Variants in FREM2 observed in about 807,000 individuals in gnomAD.
FREM2 encodes the protein FRAS1 related extracellular matrix 2.
In FREM2, 119 loss-of-function variants were observed where a neutral mutation model predicts 219.9. The ratio of observed to expected loss-of-function variants is 0.54; its 90% CI spans 0.47 to 0.63. The LOEUF (loss-of-function observed/expected upper bound fraction) is 0.63, where lower values mean the gene tolerates loss of function less well. Ranked by LOEUF, FREM2 falls within the 30% of genes least tolerant of loss-of-function variation. The pLI, the probability that FREM2 is intolerant of heterozygous loss-of-function variation, is 0.00. For missense variants in FREM2, 4,030 were observed against 3,993.6 expected (o/e 1.01, Z -0.25); for synonymous variants, 1,562 against 1,522.8 (o/e 1.03, Z -0.60).
chr13:38,694,581 A>T (rs986038233), intron 1 of FREM2, among the ~76,000 whole-genome samples: 1 of 152,210 alleles, frequency 6.6e-6, no homozygotes, highest in African/African-American at 2.4e-5. Context: ...TCATGAAGGG[A>T]TAAGGTAAAC....
At chr13:38,730,048 G>A (rs1391313791) in intron 2 of FREM2, among the ~76,000 whole-genome samples, 1 of 152,118 alleles carries the variant, frequency 6.6e-6, no homozygotes, top group Non-Finnish European at 1.5e-5. Context: ...AGTGCCTAAC[G>A]GGAGTGAACC....
chr13:38,691,867 A>T lies in FREM2; in HGVS notation c.4523A>T (p.Glu1508Val), dbSNP rs1869885406. 1 of 1,614,016 alleles carries T rather than the reference A, an allele frequency of 6.2e-7. No individual in the cohort carries two copies. Among genetic ancestry groups the T allele is most frequent in the Admixed American group, 1.7e-5 (1 of 60,012 alleles). The part of the protein sequence containing the change: ...ADDEVKMDSF[E>V]FQVTDGRNPV... ...GATGAAGTGAAAATGGACAGTTTTG[A>T]GTTTCAAGTCACCGATGGACGTAAC... is the stretch of plus-strand genomic sequence containing the variant. The change falls in exon 1 of 24, where the codon GAG becomes GTG. Residue 1508 changes from glutamate to valine, a missense_variant. Around this residue, in one of 2 missense-constraint regions of FREM2, gnomAD observed 3,102 missense variants for 2,950.7 expected, o/e 1.05. Coordinates refer to ENST00000280481, the MANE Select transcript of FREM2 (RefSeq NM_207361.6).
intron 2 of FREM2, among the ~76,000 whole-genome samples, chr13:38,702,028 G>T (rs1193626958): frequency 1.3e-5 from 2 of 152,046 alleles, no homozygotes; most frequent in African/African-American, 4.8e-5. Flanking sequence ...TTGACATAAA[G>T]ATCAATTAAA....
intron 2 of FREM2, among the ~76,000 whole-genome samples, chr13:38,722,613 C>G (rs1291603634): frequency 6.6e-6 from 1 of 151,964 alleles, no homozygotes; most frequent in Admixed American, 6.6e-5. Context: ...CCCAGAGTGT[C>G]TAATTCAGTA....
rs367748739 is a variant in FREM2, at chr13:38,858,986, GC to G, written c.7216-300del. ...AGGGGGGTAAGATGAGCGACAGGAA[GC>G]GGGGGAGGAAAAAAGAGAGAATAAG... On this transcript the variant is annotated intron_variant, in intron 13 of 23. Transcript: ENST00000280481. Among the ~76,000 whole-genome samples the G allele has an allele frequency of 1.6e-3, 200 of 125,860 alleles. 1 individual carries two copies. The highest frequency in any genetic ancestry group is 4.9e-3 in the African/African-American group (170 of 34,836). The allele number at this position is 125,860 out of a possible 152,430, so 82.6% of individuals were successfully genotyped here.
chr13:38,720,475 C>G (rs1240036039), intron 2 of FREM2, among the ~76,000 whole-genome samples: 1 of 152,170 alleles, frequency 6.6e-6, no homozygotes, highest in African/African-American at 2.4e-5. Flanking sequence ...TGGATACATT[C>G]TGACACACAA....
rs1355762843 is a variant in FREM2 at position 38,851,097 on chromosome 13, A to G, written c.6731A>G (p.Asp2244Gly). 1.2e-6 allele frequency: 2 copies of G among 1,613,702 alleles called. No homozygotes were observed. The highest frequency in any genetic ancestry group is 2.2e-5 in the East Asian group (1 of 44,872). The change falls in exon 10 of 24, where the codon GAT becomes GGT. Residue 2244 changes from aspartate to glycine, a missense_variant. By Grantham distance (94) the Asp-to-Gly change is moderately conservative. Around this residue, in one of 2 missense-constraint regions of FREM2, gnomAD observed 3,102 missense variants for 2,950.7 expected, o/e 1.05. Transcript: ENST00000280481. ...AATGAAACTCTCATAAGGATCCGAG[A>G]TGATGCTGATAGTAAGAAATCTTTT... ...EQNETLIRIR[D>G]DADKTVIKFG... is the part of the protein sequence containing the mutation.
At chr13:38,876,495 A>G (rs1423433749) in intron 20 of FREM2, 113 bp downstream of exon 20, 3 of 889,638 alleles carry the variant, frequency 3.4e-6, no homozygotes, top group East Asian at 2.6e-5. Flanking sequence ...TTGCATGCTG[A>G]AAAGAAAAGA....
Position 38,859,556 on chromosome 13 carries a change from C to A in FREM2, c.7485C>A (p.Leu2495=). The change falls in exon 14 of 24, where the codon CTC becomes CTA. Residue 2495 remains leucine, a synonymous_variant. Transcript: ENST00000280481. ...VNTNGDEGLE[L]MSPIVTISRE... ...CCAATGGGGATGAAGGCCTGGAGCT[C>A]ATGAGCCCTATTGTAACCATCAGCA... is the stretch of plus-strand genomic sequence containing the variant. 6.2e-7 allele frequency: 1 copy of A among 1,614,024 alleles called. No homozygotes were observed. Among genetic ancestry groups the A allele is most frequent in the South Asian group, 1.1e-5 (1 of 91,046 alleles).
At chr13:38,697,016 T>C (rs760583631) in intron 1 of FREM2, among the ~76,000 whole-genome samples, 21 of 151,952 alleles carry the variant, frequency 1.4e-4, no homozygotes, top group Non-Finnish European at 2.6e-4. Flanking sequence ...GCCAGGCTGG[T>C]CTTGAACTCC....
chr13:38,862,098 A>C (rs763697811), intron 15 of FREM2, among the ~76,000 whole-genome samples: 18 of 152,256 alleles, frequency 1.2e-4, no homozygotes, highest in Non-Finnish European at 2.6e-4. Flanking sequence ...TACTTTATGA[A>C]TATTTTACCA....
intron 1 of FREM2, among the ~76,000 whole-genome samples, chr13:38,693,537 G>A (rs1468300552): frequency 1.3e-5 from 2 of 152,152 alleles, no homozygotes; most frequent in Admixed American, 6.5e-5. Flanking sequence ...TCAGGGCTCC[G>A]TTCTGCAGAA....
At chr13:38,709,484 C>G (rs1870675926) in intron 2 of FREM2, among the ~76,000 whole-genome samples, 1 of 151,608 alleles carries the variant, frequency 6.6e-6, no homozygotes, top group African/African-American at 2.4e-5. Context: ...TAATTGCTTA[C>G]CAAGTGATGT....
intron 2 of FREM2, among the ~76,000 whole-genome samples, chr13:38,706,007 G>A (rs193163330): frequency 2.0e-5 from 3 of 152,252 alleles, no homozygotes; most frequent in Non-Finnish European, 4.4e-5. Context: ...TATTTCACAC[G>A]TTGTAAGTAG....
chr13:38,754,080 C>T (rs1872885466), intron 2 of FREM2, among the ~76,000 whole-genome samples: 1 of 151,968 alleles, frequency 6.6e-6, no homozygotes, highest in Admixed American at 6.6e-5. Context: ...CCCATTCCAA[C>T]CTGGCTGTGG....
intron 6 of FREM2, among the ~76,000 whole-genome samples, chr13:38,846,104 T>C (rs9532289): frequency 0.25 from 37,169 of 151,308 alleles, 6,450 homozygotes; most frequent in African/African-American, 0.48. Flanking sequence ...CTCACATACA[T>C]CGAAATAAGC....
chr13:38,752,602 C>T (rs1022440900), intron 2 of FREM2, among the ~76,000 whole-genome samples: 2 of 152,058 alleles, frequency 1.3e-5, no homozygotes, highest in South Asian at 2.1e-4. Context: ...GGAAACAAGT[C>T]AGATTAAAAA....
chr13:38,871,014 A>C (rs117899494), intron 16 of FREM2, among the ~76,000 whole-genome samples: 3,808 of 152,264 alleles, frequency 0.025, 58 homozygotes, highest in Non-Finnish European at 0.037. Context: ...TGACTTAGTC[A>C]CCGTCCATTT....
chr13:38,836,918 T>A (rs866418728), intron 6 of FREM2, among the ~76,000 whole-genome samples: 1 of 152,182 alleles, frequency 6.6e-6, no homozygotes, highest in East Asian at 1.9e-4. Flanking sequence ...ATTGATTTTT[T>A]AAAGGGTTTT....
Sources: gnomAD v4.1 joint callset for allele counts (sites outside exome capture counted in the v4.1 genomes callset) on GRCh38, gnomAD v4.1.1 for gene constraint, gnomAD v4.1.1 regional missense constraint, MANE v1.5 for transcripts, NCBI Gene and HGNC (gene_info 2026-07-23, HGNC 2026-07-21) for gene names.